The following CERK variants were observed in gnomAD, a reference collection of about 807,000 sequenced individuals.
The protein encoded by CERK is ceramide kinase, also known as acylsphingosine kinase.
CERK carries 39 observed loss-of-function variants against 63.4 expected under a neutral mutation model. The ratio of observed to expected loss-of-function variants is 0.61; its 90% CI spans 0.48 to 0.80. CERK has a LOEUF of 0.80. CERK is among the 30% of genes least tolerant of loss of function. The pLI, the probability that CERK is intolerant of heterozygous loss-of-function variation, is 0.00. For missense variants in CERK, 670 were observed against 714.1 expected, an observed-to-expected ratio of 0.94 and a Z score of 0.70; for synonymous variants, 302 against 280.0, an observed-to-expected ratio of 1.08 and a Z score of -0.78.
chr22:46,691,896 A>T, intron 10 of CERK, 119 bp from the exon 11 acceptor site: 37 of 645,352 alleles, frequency 5.7e-5, no homozygotes, highest in Admixed American at 1.2e-4. Context: ...CAGACACTTC[A>T]TGCAATCGAC....
chr22:46,724,076 C>T (rs372580073), intron 1 of CERK, among the ~76,000 whole-genome samples: 2 of 152,262 alleles, frequency 1.3e-5, no homozygotes, highest in East Asian at 3.9e-4. Flanking sequence ...TCTCCACCTC[C>T]ACCACCGCTA....
chr22:46,712,336 T>C, intron 3 of CERK, 43 bp from the exon 4 acceptor site: 1 of 1,599,966 alleles, frequency 6.3e-7, no homozygotes, highest in South Asian at 1.1e-5. Flanking sequence ...AATAACAAAA[T>C]CAAAACGAAG....
intron 8 of CERK, among the ~76,000 whole-genome samples, chr22:46,698,907 A>T (rs987153087): frequency 1.2e-4 from 18 of 152,314 alleles, no homozygotes; most frequent in Non-Finnish European, 2.2e-4. Context: ...TCTCAAAAAA[A>T]TTTTTAAAAA....
intron 1 of CERK, among the ~76,000 whole-genome samples, chr22:46,732,170 G>C (rs1260933832): frequency 1.3e-5 from 2 of 152,190 alleles, no homozygotes; most frequent in African/African-American, 2.4e-5. Flanking sequence ...AACCCAGCAG[G>C]CGGTGAGGGT....
rs894230850 is a variant in CERK, at chr22:46,733,478, G to A, written c.142+4529C>T. Among the ~76,000 whole-genome samples, 13 of 150,868 alleles carry A rather than the reference G, an allele frequency of 8.6e-5. 2 individuals are homozygous for A. The East Asian group carries it at 2.4e-3, about 28-fold the overall frequency. The stretch of plus-strand genomic sequence containing the variant: ...CTGGCTAATTTTTGTATTTTTAGTA[G>A]AGACAGGGTTTCACCATGTTGGGCA... On this transcript the variant is annotated intron_variant, in intron 1 of 12. Transcript: ENST00000216264.
At chr22:46,735,326 C>G (rs2082967401) in intron 1 of CERK, 1 of 152,244 alleles carries the variant, frequency 6.6e-6, no homozygotes. Flanking sequence ...GCCCAGGAAG[C>G]TGCAGCGATC....
At chr22:46,695,570 G>A (rs571047685) in intron 8 of CERK, among the ~76,000 whole-genome samples, 1 of 152,364 alleles carries the variant, frequency 6.6e-6, no homozygotes, top group Admixed American at 6.5e-5. Flanking sequence ...GACAGCCAGG[G>A]CTATGGCCAC....
intron 1 of CERK, among the ~76,000 whole-genome samples, chr22:46,726,598 C>T (rs959990108): frequency 2.0e-5 from 3 of 152,212 alleles, no homozygotes; most frequent in Admixed American, 1.3e-4. Flanking sequence ...ATTTCCCTGG[C>T]AACCCGCCGC....
intron 1 of CERK, among the ~76,000 whole-genome samples, chr22:46,722,803 C>T (rs574929911): frequency 6.6e-6 from 1 of 152,300 alleles, no homozygotes; most frequent in South Asian, 2.1e-4. Context: ...GGTGCCAGCA[C>T]AAGACCAGGC....
intron 1 of CERK, among the ~76,000 whole-genome samples, chr22:46,723,709 CT>C (rs554068766): frequency 1.2e-4 from 18 of 147,252 alleles, no homozygotes; most frequent in South Asian, 2.2e-4. Flanking sequence ...GGGTTTTCTT[CT>C]TTTTTTTTTG....
chr22:46,702,215 AT>A (rs376441233), intron 6 of CERK, among the ~76,000 whole-genome samples: 7,769 of 69,626 alleles, frequency 0.11, 623 homozygotes, highest in East Asian at 0.33. Context: ...AGTTAAAAAA[AT>A]ATATATATGT....
chr22:46,734,962 T>G (rs948120249), intron 1 of CERK, among the ~76,000 whole-genome samples: 1 of 152,178 alleles, frequency 6.6e-6, no homozygotes, highest in South Asian at 2.1e-4. Flanking sequence ...AACACAGTAC[T>G]GACCTGCCCA....
chr22:46,712,379 G>T, intron 3 of CERK, 86 bp from the exon 4 acceptor site: 1 of 1,304,960 alleles, frequency 7.7e-7, no homozygotes, highest in Non-Finnish European at 1.1e-6. Context: ...AAACCATGAG[G>T]GTTTTAGAAT....
intron 8 of CERK, 55 bp downstream of exon 8, chr22:46,699,258 T>C (rs1234605264): frequency 6.3e-7 from 1 of 1,578,048 alleles, no homozygotes; most frequent in Non-Finnish European, 8.7e-7. Context: ...GTAACATCTG[T>C]GAAGGCAGTC....
rs2082985012 is a variant in CERK at position 46,738,096 on chromosome 22, T to C, written c.53A>G (p.Gln18Arg). 2 of 1,286,658 alleles carry C rather than the reference T, an allele frequency of 1.6e-6. No homozygotes were observed. The highest frequency in any genetic ancestry group is 2.0e-6 in the Non-Finnish European group (2 of 1,009,248). The allele number at this position is 1,286,658 out of a possible 1,614,324, so 79.7% of individuals were successfully genotyped here. The change falls in exon 1 of 13, where the codon CAG becomes CGG. Residue 18 changes from glutamine (Q) to arginine (R), a missense_variant. Coordinates refer to ENST00000216264, the MANE Select transcript of CERK (RefSeq NM_022766.6). ...CTCCAGGCTCACGGCGCAGCGCTGC[T>C]GCTTCACCCACAGCACGGATTGCAG... Reference protein sequence around the residue: ...EPLQSVLWVKQQRCAVSLEPA... With the variant: ...EPLQSVLWVKRQRCAVSLEPA...
At position 46,738,239 on chromosome 22, in the gene CERK, G is replaced by GGGCGGCT; in HGVS notation, c.-92_-91insAGCCGCC. ...CGGCCCCTGCAGTGGCCCGGGCGGC[G>GGGCGGCT]GGCGGCGGGCGGCGGGAGGCGGCGC... On this transcript the variant is annotated 5_prime_UTR_variant, in exon 1 of 13. Transcript: ENST00000216264. 2.9e-6 allele frequency: 2 copies of GGGCGGCT among 687,608 alleles called. No homozygotes were observed. The highest frequency in any genetic ancestry group is 6.2e-5 in the South Asian group (1 of 16,006). 42.6% of individuals were successfully genotyped at this position (687,608 alleles called of 1,614,324 possible). A position where few individuals can be genotyped will look rare whatever the true frequency, so the allele number is the denominator to read the frequency against.
intron 12 of CERK, 127 bp from the exon 13 acceptor site, chr22:46,687,333 C>T (rs535493570): frequency 5.1e-5 from 19 of 369,782 alleles, no homozygotes; most frequent in African/African-American, 2.2e-4. Context: ...CCCTGAGCAC[C>T]GCTCTTGGAC....
At chr22:46,688,707 G>A (rs538783845) in intron 12 of CERK, among the ~76,000 whole-genome samples, 3 of 152,350 alleles carry the variant, frequency 2.0e-5, no homozygotes, top group Admixed American at 6.5e-5. Context: ...GCACCCAAGG[G>A]CCATCTGACA....
At position 46,704,135 on chromosome 22, in the gene CERK, C is replaced by A. The variant is rs569528598; in HGVS notation, c.716-2425G>T. ...TCCTCTCCTGGGGCAGAGGCCACAG[C>A]CAAGGCCTAGAGGAGGGCAGGGCAC... On this transcript the variant is annotated intron_variant, in intron 6 of 12. Transcript: ENST00000216264. Among the ~76,000 whole-genome samples the A allele has an allele frequency of 2.4e-4, 37 of 152,350 alleles. 1 individual carries two copies. The South Asian group carries it at 7.7e-3, about 32-fold the overall frequency.
Sources: allele counts gnomAD v4.1 joint callset (sites outside exome capture counted in the v4.1 genomes callset), GRCh38; gene constraint gnomAD v4.1.1; transcripts MANE v1.5; gene names NCBI Gene and HGNC (gene_info 2026-07-23, HGNC 2026-07-21).